PTPRT: variants seen among roughly 807,000 people sequenced by gnomAD.
PTPRT encodes protein tyrosine phosphatase receptor type T.
PTPRT carries 56 observed loss-of-function variants against 176.8 expected under a neutral mutation model. That is an observed-to-expected ratio of 0.32 (90% CI 0.26 to 0.40). PTPRT has a LOEUF of 0.40. Ranked by LOEUF, PTPRT falls within the 10% of genes least tolerant of loss-of-function variation. The pLI is 1.00. For synonymous variants in PTPRT, 783 were observed against 739.0 expected, an observed-to-expected ratio of 1.06 and a Z score of -0.96; for missense variants, 1,540 against 1,908.2, an observed-to-expected ratio of 0.81 and a Z score of 3.60.
chr20:42,360,410 A>G (rs899435743), intron 9 of PTPRT, among the ~76,000 whole-genome samples: 3 of 152,310 alleles, frequency 2.0e-5, no homozygotes, highest in Non-Finnish European at 2.9e-5. Context: ...GTCCCATAGC[A>G]GGGCCACCAT....
chr20:42,528,499 A>T (rs1292476255), intron 7 of PTPRT, among the ~76,000 whole-genome samples: 1 of 152,178 alleles, frequency 6.6e-6, no homozygotes, highest in Non-Finnish European at 1.5e-5. Context: ...TGTTAAAGAC[A>T]AAGCTCTTAA....
chr20:42,899,570 A>T (rs1236904481), intron 1 of PTPRT, among the ~76,000 whole-genome samples: 2 of 152,162 alleles, frequency 1.3e-5, no homozygotes, highest in African/African-American at 4.8e-5. Context: ...TGTTTCTCAA[A>T]CGCTTTAGTT....
chr20:42,602,064 T>C (rs1166604521), intron 7 of PTPRT, among the ~76,000 whole-genome samples: 1 of 152,208 alleles, frequency 6.6e-6, no homozygotes, highest in African/African-American at 2.4e-5. Context: ...TGTTACCGGC[T>C]CTGCTTCTCA....
At chr20:42,654,031 G>A (rs758321880) in intron 7 of PTPRT, among the ~76,000 whole-genome samples, 41 of 152,222 alleles carry the variant, frequency 2.7e-4, no homozygotes, top group African/African-American at 8.9e-4. Context: ...GAAAAAGGGC[G>A]CAGAAAGGGA....
the PTPRT span, among the ~76,000 whole-genome samples, chr20:42,065,468 G>C: frequency 2.0e-5 from 3 of 152,278 alleles, no homozygotes; most frequent in Admixed American, 6.5e-5. Context: ...GAACCACAAT[G>C]GTTTATTTCT....
intron 7 of PTPRT, among the ~76,000 whole-genome samples, chr20:42,562,047 C>T (rs949934478): frequency 7.1e-6 from 1 of 140,786 alleles, no homozygotes; most frequent in African/African-American, 2.8e-5. Flanking sequence ...GTCACCTCAC[C>T]TTCTGGGTTT....
intron 7 of PTPRT, among the ~76,000 whole-genome samples, chr20:42,603,105 G>A: frequency 6.6e-6 from 1 of 152,126 alleles, no homozygotes; most frequent in Non-Finnish European, 1.5e-5. Context: ...GAAGGTTCCT[G>A]TTCTCACGGA....
intron 16 of PTPRT, among the ~76,000 whole-genome samples, chr20:42,172,406 G>A (rs2146547983): frequency 6.6e-6 from 1 of 152,262 alleles, no homozygotes; most frequent in Non-Finnish European, 1.5e-5. Flanking sequence ...AACATTTTTA[G>A]CCCAGGCTTA....
chr20:43,116,678 A>G lies in PTPRT; in HGVS notation c.88+72968T>C, dbSNP rs192038471. On this transcript the variant is annotated intron_variant, in intron 1 of 30. Transcript: ENST00000373187. Reference sequence around the variant, plus strand: ...GTAACTCACTAGGCTTACCACTATCACCACTGCTTTCCCACTTTATTGTAA... The same window carrying G: ...GTAACTCACTAGGCTTACCACTATCGCCACTGCTTTCCCACTTTATTGTAA... Among the ~76,000 whole-genome samples, 26 of 152,162 alleles carry G rather than the reference A, an allele frequency of 1.7e-4. No individual in the cohort carries two copies. The East Asian group carries it at 5.0e-3, about 29-fold the overall frequency.
At chr20:42,242,179 C>T (rs1386000606) in intron 14 of PTPRT, among the ~76,000 whole-genome samples, 3 of 152,194 alleles carry the variant, frequency 2.0e-5, no homozygotes, top group Admixed American at 6.5e-5. Context: ...ATGTCTTCCA[C>T]ATACTGCCTC....
intron 1 of PTPRT, among the ~76,000 whole-genome samples, chr20:42,899,258 C>A (rs2079357715): frequency 6.6e-6 from 1 of 152,200 alleles, no homozygotes; most frequent in Non-Finnish European, 1.5e-5. Flanking sequence ...TGGGTCATCC[C>A]CCGTCTCAGA....
At chr20:42,555,864 G>C (rs2072852435) in intron 7 of PTPRT, among the ~76,000 whole-genome samples, 1 of 152,150 alleles carries the variant, frequency 6.6e-6, no homozygotes, top group African/African-American at 2.4e-5. Flanking sequence ...CGAGAGCCAT[G>C]CCTCCAGCAA....
chr20:42,183,246 G>C (rs981611253), intron 16 of PTPRT, among the ~76,000 whole-genome samples: 1 of 152,062 alleles, frequency 6.6e-6, no homozygotes, highest in East Asian at 1.9e-4. Context: ...AATATTTCAA[G>C]TACTACAGAG....
chr20:42,654,065 G>A (rs983566689), intron 7 of PTPRT, among the ~76,000 whole-genome samples: 1 of 152,124 alleles, frequency 6.6e-6, no homozygotes, highest in African/African-American at 2.4e-5. Flanking sequence ...GGGGAGGCTG[G>A]AGAAGCTCTT....
At chr20:42,629,977 C>T (rs574362754) in intron 7 of PTPRT, among the ~76,000 whole-genome samples, 8 of 152,314 alleles carry the variant, frequency 5.3e-5, no homozygotes, top group African/African-American at 1.9e-4. Context: ...ATCCCAACCC[C>T]TGAGACCTGT....
intron 7 of PTPRT, among the ~76,000 whole-genome samples, chr20:42,507,703 T>C (rs1451665977): frequency 6.6e-6 from 1 of 152,036 alleles, no homozygotes; most frequent in Non-Finnish European, 1.5e-5. Context: ...GACCTGAGAA[T>C]AGAGGGAATT....
chr20:42,795,796 C>T (rs2077445813), intron 2 of PTPRT, among the ~76,000 whole-genome samples: 1 of 152,198 alleles, frequency 6.6e-6, no homozygotes, highest in East Asian at 1.9e-4. Context: ...CAGTAAAATT[C>T]CCTGGGCCTC....
intron 8 of PTPRT, among the ~76,000 whole-genome samples, chr20:42,456,197 T>C (rs2070921129): frequency 6.6e-6 from 1 of 152,042 alleles, no homozygotes; most frequent in South Asian, 2.1e-4. Context: ...AAATACCACA[T>C]ACTTGTTAGG....
intron 2 of PTPRT, among the ~76,000 whole-genome samples, chr20:42,841,228 T>C (rs2145725824): frequency 6.6e-6 from 1 of 152,334 alleles, no homozygotes; most frequent in Middle Eastern, 3.4e-3. Flanking sequence ...GGCCCACTAA[T>C]GAGTCAAAGC....
Sources: gnomAD v4.1 joint callset for allele counts (sites outside exome capture counted in the v4.1 genomes callset) on GRCh38, gnomAD v4.1.1 for gene constraint, MANE v1.5 for transcripts, NCBI Gene and HGNC (gene_info 2026-07-23, HGNC 2026-07-21) for gene names.